The following GPHN variants were observed in gnomAD, a reference collection of about 807,000 sequenced individuals.
The protein encoded by GPHN is gephyrin.
A neutral mutation model predicts 95.5 loss-of-function variants in GPHN; 17 were observed. That is an observed-to-expected ratio of 0.18 (90% CI 0.12 to 0.27). The LOEUF (loss-of-function observed/expected upper bound fraction) is 0.27. Ranked by LOEUF, GPHN falls within the 10% of genes least tolerant of loss-of-function variation. The probability of loss-of-function intolerance (pLI) is 1.00; values close to 1 mark genes in which losing one functional copy is unlikely to be tolerated. For synonymous variants in GPHN, 320 were observed against 322.5 expected (o/e 0.99, Z 0.08); for missense variants, 660 against 978.1 (o/e 0.67, Z 4.34).
rs1287462047 is a variant in GPHN at position 66,875,130 on chromosome 14, A to G, written c.295-4809A>G. Among the ~76,000 whole-genome samples, 9 of 152,232 alleles carry G rather than the reference A, an allele frequency of 5.9e-5. No individual in the cohort carries two copies. In the East Asian group the frequency reaches 1.7e-3, roughly 29 times the overall value. On this transcript the variant is annotated intron_variant, in intron 4 of 22. Coordinates refer to ENST00000478722, the MANE Select transcript of GPHN (RefSeq NM_020806.5). ...ACATTCTTAAAGAAAAGAATTTTCAACTCAGAATTTCATATCTGGCCAAAC... is the reference window on the plus strand; with the variant it reads ...ACATTCTTAAAGAAAAGAATTTTCAGCTCAGAATTTCATATCTGGCCAAAC...
intron 9 of GPHN, among the ~76,000 whole-genome samples, chr14:66,976,927 G>GGGA (rs1285407778): frequency 8.8e-6 from 1 of 113,690 alleles, no homozygotes; most frequent in African/African-American, 3.7e-5. Flanking sequence ...GGGGGGGGGG[G>GGGA]AGTACACTCT....
the GPHN span, among the ~76,000 whole-genome samples, chr14:67,706,859 C>T: frequency 3.9e-5 from 6 of 152,216 alleles, no homozygotes; most frequent in East Asian, 1.9e-4. Context: ...TAGGATGGTT[C>T]GTTCCTAGAC....
chr14:66,831,326 A>T (rs1023899060), intron 4 of GPHN, among the ~76,000 whole-genome samples: 1 of 152,180 alleles, frequency 6.6e-6, no homozygotes, highest in Non-Finnish European at 1.5e-5. Context: ...TAGGATTTTG[A>T]CTATCTTAAA....
the GPHN span, among the ~76,000 whole-genome samples, chr14:67,377,462 G>A: frequency 3.9e-5 from 6 of 152,268 alleles, no homozygotes; most frequent in South Asian, 8.3e-4. Context: ...CTCTTGGCTG[G>A]TATGCTCACT....
At chr14:66,519,208 T>A (rs1423441466) in intron 1 of GPHN, among the ~76,000 whole-genome samples, 1 of 152,042 alleles carries the variant, frequency 6.6e-6, no homozygotes. Flanking sequence ...TATTAAAGTA[T>A]ATTTATGTGT....
At chr14:67,277,563 A>G in the GPHN span, among the ~76,000 whole-genome samples, 1 of 152,124 alleles carries the variant, frequency 6.6e-6, no homozygotes, top group Non-Finnish European at 1.5e-5. Context: ...TCAAGGAGGT[A>G]GTAGGTTTAT....
chr14:67,570,614 C>G, the GPHN span: 1 of 152,848 alleles, frequency 6.5e-6, no homozygotes, highest in African/African-American at 2.4e-5. Flanking sequence ...GCAGCACACT[C>G]TCACTGTCTC....
chr14:67,694,489 C>CAT, the GPHN span, among the ~76,000 whole-genome samples: 5,360 of 144,150 alleles, frequency 0.037, 173 homozygotes, highest in African/African-American at 0.08. Context: ...CACACACACA[C>CAT]ATATATATAT....
At chr14:67,356,130 A>T in the GPHN span, among the ~76,000 whole-genome samples, 1 of 152,116 alleles carries the variant, frequency 6.6e-6, no homozygotes, top group South Asian at 2.1e-4. Flanking sequence ...GTACTAATAA[A>T]CTTTTTTGGC....
chr14:66,811,546 CAAAA>C (rs778914403), intron 3 of GPHN, among the ~76,000 whole-genome samples: 1 of 87,136 alleles, frequency 1.1e-5, no homozygotes, highest in Admixed American at 1.2e-4. Context: ...TTACATTCAG[CAAAA>C]AAAAAAAAAA....
At position 67,063,594 on chromosome 14, in the gene GPHN, T is replaced by C. The variant is rs924366932; in HGVS notation, c.1144+4808T>C. 1.4e-4 allele frequency among the ~76,000 whole-genome samples: 22 copies of C among 152,246 alleles called. 1 individual carries two copies. The highest frequency in any genetic ancestry group is 7.3e-5 in the Non-Finnish European group (5 of 68,040). ...AATGTTCTTCCATTTGTTTGTGTCC[T>C]CTTTTATTTCATTGAGCAGTAATTT... On this transcript the variant is annotated intron_variant, in intron 11 of 22. Coordinates refer to ENST00000478722, the MANE Select transcript of GPHN (RefSeq NM_020806.5).
chr14:66,706,267 C>T (rs543668240), intron 2 of GPHN, among the ~76,000 whole-genome samples: 2 of 152,206 alleles, frequency 1.3e-5, no homozygotes, highest in South Asian at 4.1e-4. Context: ...ATGCTGTTCC[C>T]ATCAAACTAC....
At chr14:66,720,240 G>A (rs2070609069) in intron 2 of GPHN, among the ~76,000 whole-genome samples, 1 of 152,140 alleles carries the variant, frequency 6.6e-6, no homozygotes, top group Non-Finnish European at 1.5e-5. Context: ...AAAGAGTAAA[G>A]GAATATGTTC....
the GPHN span, among the ~76,000 whole-genome samples, chr14:67,225,956 T>TGCGCGC: frequency 1.5e-5 from 2 of 136,228 alleles, no homozygotes; most frequent in African/African-American, 6.5e-5. Flanking sequence ...TGTGTGTGTG[T>TGCGCGC]GTGTGTGCGC....
the GPHN span, chr14:67,380,843 A>G: frequency 2.9e-6 from 2 of 701,450 alleles, no homozygotes; most frequent in Non-Finnish European, 4.4e-6. Flanking sequence ...CTTACCAAAG[A>G]ATATGTTGCT....
the GPHN span, chr14:67,648,326 C>A: frequency 1.1e-6 from 1 of 888,382 alleles, no homozygotes; most frequent in East Asian, 2.7e-5. Flanking sequence ...AATTATATGG[C>A]CATGCTAATA....
chr14:66,564,884 T>G (rs1222633270), intron 1 of GPHN, among the ~76,000 whole-genome samples: 1 of 152,178 alleles, frequency 6.6e-6, no homozygotes, highest in East Asian at 1.9e-4. Context: ...AGGTAGCCAC[T>G]ATGAACCTGG....
the GPHN span, among the ~76,000 whole-genome samples, chr14:67,338,929 CAT>C: frequency 1.4e-5 from 2 of 147,692 alleles, no homozygotes; most frequent in East Asian, 2.0e-4. Flanking sequence ...TTTTAAAAAA[CAT>C]AATTTTAAGC....
chr14:66,921,944 A>G (rs1052168594), intron 6 of GPHN, among the ~76,000 whole-genome samples: 2 of 152,194 alleles, frequency 1.3e-5, no homozygotes, highest in African/African-American at 4.8e-5. Flanking sequence ...AAAGCAAACA[A>G]AAACATAAAG....
Sources: allele counts gnomAD v4.1 joint callset (sites outside exome capture counted in the v4.1 genomes callset), GRCh38; gene constraint gnomAD v4.1.1; transcripts MANE v1.5; gene names NCBI Gene and HGNC (gene_info 2026-07-23, HGNC 2026-07-21).